Variants in GMDS observed in about 807,000 individuals in gnomAD.
GMDS encodes the protein GDP-mannose 4,6 dehydratase.
In GMDS, 20 loss-of-function variants were observed where a neutral mutation model predicts 49.9. That is an observed-to-expected ratio of 0.40 (90% confidence interval 0.28 to 0.58). The LOEUF (loss-of-function observed/expected upper bound fraction) is 0.58, where lower values mean the gene tolerates loss of function less well. Among genes scored for constraint, GMDS ranks in the 20% least tolerant of loss-of-function variants. GMDS has a pLI of 0.42. For synonymous variants in GMDS, 177 were observed against 178.6 expected (o/e 0.99, Z 0.07); for missense variants, 362 against 481.4 (o/e 0.75, Z 2.32).
At chr6:1,678,304 C>A (rs2814814) in intron 9 of GMDS, among the ~76,000 whole-genome samples, 133,861 of 152,192 alleles carry the variant, frequency 0.88, 59,111 homozygotes, top group Middle Eastern at 0.95. Flanking sequence ...GTCCACACCG[C>A]GTCTGTAGCC....
intron 7 of GMDS, among the ~76,000 whole-genome samples, chr6:1,828,308 A>AT (rs1234373627): frequency 6.6e-6 from 1 of 152,210 alleles, no homozygotes. Context: ...AAGGGACACC[A>AT]TCAAGCAGAC....
chr6:2,085,945 G>C (rs952716618), intron 4 of GMDS, among the ~76,000 whole-genome samples: 1 of 152,142 alleles, frequency 6.6e-6, no homozygotes, highest in African/African-American at 2.4e-5. Context: ...AATTCTCTGA[G>C]CTTATTTTCT....
intron 4 of GMDS, among the ~76,000 whole-genome samples, chr6:2,013,940 A>ATATATATATATATATATATATATG (rs1767728482): frequency 1.3e-4 from 2 of 15,608 alleles, no homozygotes; most frequent in Admixed American, 2.4e-3. Context: ...ATATATATAT[A>ATATATATATATATATATATATATG]TATATATATA....
At chr6:2,215,921 A>G (rs1780313864) in intron 1 of GMDS, among the ~76,000 whole-genome samples, 1 of 152,200 alleles carries the variant, frequency 6.6e-6, no homozygotes, top group Non-Finnish European at 1.5e-5. Flanking sequence ...TATATAATAT[A>G]ATAAATACAG....
chr6:1,847,235 T>C (rs1757452031), intron 7 of GMDS, among the ~76,000 whole-genome samples: 1 of 151,986 alleles, frequency 6.6e-6, no homozygotes, highest in Non-Finnish European at 1.5e-5. Flanking sequence ...TTCTTATATT[T>C]TGTAGAGACA....
chr6:1,790,952 C>T (rs957583153), intron 7 of GMDS, among the ~76,000 whole-genome samples: 1 of 152,074 alleles, frequency 6.6e-6, no homozygotes, highest in Non-Finnish European at 1.5e-5. Context: ...GGAGTGATCC[C>T]GGCTGTCTAG....
At chr6:1,931,424 T>C (rs1561900871) in intron 6 of GMDS, among the ~76,000 whole-genome samples, 1 of 152,234 alleles carries the variant, frequency 6.6e-6, no homozygotes, top group Non-Finnish European at 1.5e-5. Flanking sequence ...TACACCATTA[T>C]CATTAAGAAA....
chr6:1,974,715 C>G (rs1419798620), intron 4 of GMDS, among the ~76,000 whole-genome samples: 1 of 151,960 alleles, frequency 6.6e-6, no homozygotes, highest in African/African-American at 2.4e-5. Flanking sequence ...AAAATGCCAA[C>G]AGATTACTAA....
chr6:1,932,709 T>C (rs1762351109), intron 6 of GMDS, among the ~76,000 whole-genome samples: 1 of 152,000 alleles, frequency 6.6e-6, no homozygotes, highest in Non-Finnish European at 1.5e-5. Context: ...AGCTAATTTT[T>C]TGTATTTTTT....
At chr6:2,053,560 CT>C (rs769577843) in intron 4 of GMDS, among the ~76,000 whole-genome samples, 2 of 151,888 alleles carry the variant, frequency 1.3e-5, no homozygotes, top group South Asian at 4.2e-4. Flanking sequence ...ACATTGAAAC[CT>C]ACACTTATTA....
chr6:1,740,854 T>G (rs1487928946), intron 8 of GMDS, among the ~76,000 whole-genome samples: 1 of 152,200 alleles, frequency 6.6e-6, no homozygotes, highest in Admixed American at 6.5e-5. Context: ...AAAAAGATCT[T>G]ATTTTTGCCT....
At chr6:1,938,120 A>G (rs953713113) in intron 6 of GMDS, among the ~76,000 whole-genome samples, 8 of 152,210 alleles carry the variant, frequency 5.3e-5, no homozygotes, top group Non-Finnish European at 8.8e-5. Flanking sequence ...CGTGAGCATA[A>G]TAGCCAAATA....
chr6:1,853,408 C>T (rs932156838), intron 7 of GMDS, among the ~76,000 whole-genome samples: 6 of 145,538 alleles, frequency 4.1e-5, no homozygotes, highest in Non-Finnish European at 7.4e-5. Context: ...GTCCCAGCTA[C>T]TGGGGAGGCT....
intron 4 of GMDS, among the ~76,000 whole-genome samples, chr6:2,013,925 C>G (rs1312628281): frequency 8.0e-6 from 1 of 125,124 alleles, no homozygotes; most frequent in African/African-American, 3.5e-5. Context: ...GGATAAAAAC[C>G]ATATATATAT....
chr6:1,894,978 G>T (rs1005907192), intron 7 of GMDS, among the ~76,000 whole-genome samples: 28 of 152,194 alleles, frequency 1.8e-4, no homozygotes, highest in Middle Eastern at 6.8e-3. Context: ...CCCCTTTAGG[G>T]TCTACAATTT....
In GMDS at chr6:1,979,313, G is replaced by C. The variant is rs191929255; in HGVS notation, c.346-18347C>G. 1.8e-4 allele frequency among the ~76,000 whole-genome samples: 27 copies of C among 152,308 alleles called. No individual in the cohort carries two copies. In the East Asian group the frequency reaches 4.2e-3, roughly 24 times the overall value. ...AGCTAAAACAATACATATGGGAGCT[G>C]ACAGCCAAAATAGCCAGTCTAGAGG... On this transcript the variant is annotated intron_variant, in intron 4 of 10. Transcript: ENST00000380815.
intron 7 of GMDS, among the ~76,000 whole-genome samples, chr6:1,902,565 G>A (rs1007401047): frequency 1.3e-5 from 2 of 152,078 alleles, no homozygotes; most frequent in Non-Finnish European, 2.9e-5. Context: ...TGAAATTCCT[G>A]TTTCTGGGAT....
rs550232387 is a variant in GMDS at position 1,853,181 on chromosome 6, A to G, written c.771+76922T>C. 3.9e-5 allele frequency among the ~76,000 whole-genome samples: 6 copies of G among 152,182 alleles called. 1 individual carries two copies. The South Asian group carries it at 1.2e-3, about 32-fold the overall frequency. Reference sequence around the variant, plus strand: ...ATCTGAGACATGAAATACTGCCAACACAAGACACAAAACACTGCCTTTTTG... The same window carrying G: ...ATCTGAGACATGAAATACTGCCAACGCAAGACACAAAACACTGCCTTTTTG... On this transcript the variant is annotated intron_variant, in intron 7 of 10. Coordinates refer to ENST00000380815, the MANE Select transcript of GMDS (RefSeq NM_001500.4).
At chr6:2,053,410 C>T (rs1207916765) in intron 4 of GMDS, among the ~76,000 whole-genome samples, 2 of 151,956 alleles carry the variant, frequency 1.3e-5, no homozygotes, top group African/African-American at 4.8e-5. Context: ...CCCAGAAAAA[C>T]AACCACACAA....
Sources: allele counts gnomAD v4.1 joint callset (sites outside exome capture counted in the v4.1 genomes callset), GRCh38; gene constraint gnomAD v4.1.1; transcripts MANE v1.5; gene names NCBI Gene and HGNC (gene_info 2026-07-23, HGNC 2026-07-21).